The following CNTN5 variants were observed in gnomAD, a reference collection of about 807,000 sequenced individuals.
CNTN5 encodes the protein contactin 5.
CNTN5 carries 77 observed loss-of-function variants against 129.1 expected under a neutral mutation model. That is an observed-to-expected ratio of 0.60 (90% confidence interval 0.50 to 0.72). CNTN5 has a LOEUF of 0.72. CNTN5 is among the 30% of genes least tolerant of loss of function. The probability of loss-of-function intolerance (pLI) is 0.00; values close to 1 mark genes in which losing one functional copy is unlikely to be tolerated. For synonymous variants in CNTN5, 509 were observed against 465.6 expected (o/e 1.09, Z -1.20); for missense variants, 1,478 against 1,328.8 (o/e 1.11, Z -1.75).
At chr11:99,027,176 A>G (rs1032777716) in intron 1 of CNTN5, among the ~76,000 whole-genome samples, 1 of 151,538 alleles carries the variant, frequency 6.6e-6, no homozygotes, top group Non-Finnish European at 1.5e-5. Context: ...AAAAGGATTT[A>G]AGTGATTTTA....
chr11:99,898,628 A>G (rs1949272005), intron 6 of CNTN5, among the ~76,000 whole-genome samples: 1 of 152,006 alleles, frequency 6.6e-6, no homozygotes, highest in Non-Finnish European at 1.5e-5. Context: ...GAAGAACACT[A>G]ATTGTTTTCA....
At chr11:99,031,355 C>T (rs1156455752) in intron 1 of CNTN5, among the ~76,000 whole-genome samples, 4 of 151,794 alleles carry the variant, frequency 2.6e-5, no homozygotes, top group Non-Finnish European at 4.4e-5. Context: ...CCTTTATACC[C>T]GTGCAATAAG....
At chr11:99,517,181 G>A (rs191312482) in intron 2 of CNTN5, among the ~76,000 whole-genome samples, 1 of 152,174 alleles carries the variant, frequency 6.6e-6, no homozygotes, top group Admixed American at 6.6e-5. Context: ...TCAGAAATAT[G>A]AGAAGTCTTC....
At chr11:99,769,806 A>G (rs1944881375) in intron 3 of CNTN5, among the ~76,000 whole-genome samples, 1 of 108,586 alleles carries the variant, frequency 9.2e-6, no homozygotes, top group African/African-American at 3.7e-5. Flanking sequence ...ATAGAGTGAG[A>G]CCCCGTCTCA....
intron 15 of CNTN5, among the ~76,000 whole-genome samples, chr11:100,200,875 T>A (rs1948761616): frequency 6.6e-6 from 1 of 151,996 alleles, no homozygotes; most frequent in African/African-American, 2.4e-5. Context: ...CTTACAGGTA[T>A]CTAGGACTGT....
chr11:99,970,453 A>G (rs892803977), intron 8 of CNTN5, among the ~76,000 whole-genome samples: 1 of 152,228 alleles, frequency 6.6e-6, no homozygotes, highest in Non-Finnish European at 1.5e-5. Context: ...TTTATTATCT[A>G]CTTAATCTTA....
chr11:99,189,291 G>A (rs983341952), intron 1 of CNTN5, among the ~76,000 whole-genome samples: 92 of 151,322 alleles, frequency 6.1e-4, no homozygotes, highest in African/African-American at 2.1e-3. Context: ...TTTATTTATC[G>A]TTTGATAGAT....
intron 6 of CNTN5, among the ~76,000 whole-genome samples, chr11:99,857,358 T>A (rs1467381275): frequency 6.6e-6 from 1 of 152,138 alleles, no homozygotes; most frequent in East Asian, 1.9e-4. Flanking sequence ...TATCCTCCAG[T>A]ACCACAGTAG....
intron 1 of CNTN5, among the ~76,000 whole-genome samples, chr11:99,186,762 C>T (rs1362530406): frequency 6.6e-6 from 1 of 151,794 alleles, no homozygotes; most frequent in Non-Finnish European, 1.5e-5. Flanking sequence ...AGAGGGAAGG[C>T]AAGAGATCAA....
intron 3 of CNTN5, among the ~76,000 whole-genome samples, chr11:99,638,349 T>G (rs956654541): frequency 6.6e-6 from 1 of 152,096 alleles, no homozygotes; most frequent in Non-Finnish European, 1.5e-5. Context: ...CAAGTTGAGA[T>G]TTGAATGGGG....
At position 99,590,838 on chromosome 11, in the gene CNTN5, G is replaced by T. The variant is rs75004643; in HGVS notation, c.55+34569G>T. ...TTCTGAAAAGTGCCACAACACCAGGGATGCTAGCATTAAGAAAAAGTTGTT... is the reference window on the plus strand; with the variant it reads ...TTCTGAAAAGTGCCACAACACCAGGTATGCTAGCATTAAGAAAAAGTTGTT... On this transcript the variant is annotated intron_variant, in intron 3 of 24. Transcript: ENST00000524871. Among the ~76,000 whole-genome samples, 1,406 of 152,246 alleles carry T rather than the reference G, an allele frequency of 9.2e-3. 68 individuals are homozygous for T. The East Asian group carries it at 0.1, about 11-fold the overall frequency.
intron 6 of CNTN5, among the ~76,000 whole-genome samples, chr11:99,871,678 C>T (rs1002606897): frequency 6.6e-6 from 1 of 151,800 alleles, no homozygotes; most frequent in Admixed American, 6.6e-5. Context: ...GATCCATTGT[C>T]TTTTTTCTAG....
intron 3 of CNTN5, among the ~76,000 whole-genome samples, chr11:99,626,803 C>T (rs940308814): frequency 6.6e-6 from 1 of 152,020 alleles, no homozygotes; most frequent in Admixed American, 6.6e-5. Context: ...TGAAACGATA[C>T]TCAAGGTGAC....
At chr11:100,256,733 T>C (rs553960681) in intron 17 of CNTN5, among the ~76,000 whole-genome samples, 7 of 152,044 alleles carry the variant, frequency 4.6e-5, no homozygotes, top group Admixed American at 4.6e-4. Context: ...AGGGAAGCTG[T>C]GAGAGACTGT....
At chr11:99,896,020 A>G (rs539752706) in intron 6 of CNTN5, among the ~76,000 whole-genome samples, 2 of 152,222 alleles carry the variant, frequency 1.3e-5, no homozygotes, top group East Asian at 1.9e-4. Flanking sequence ...AATTTCCTGA[A>G]CACTGCAGTC....
intron 8 of CNTN5, among the ~76,000 whole-genome samples, chr11:99,964,890 A>C (rs1404365062): frequency 6.6e-6 from 1 of 152,046 alleles, no homozygotes; most frequent in East Asian, 1.9e-4. Context: ...TAGTCTTGGG[A>C]GGGTGTATGT....
intron 13 of CNTN5, among the ~76,000 whole-genome samples, chr11:100,132,132 T>G (rs1946396385): frequency 6.6e-6 from 1 of 152,092 alleles, no homozygotes; most frequent in South Asian, 2.1e-4. Flanking sequence ...CAACAATTCT[T>G]AGTTGAACTC....
At chr11:100,129,516 A>G (rs1449025367) in intron 13 of CNTN5, among the ~76,000 whole-genome samples, 2 of 152,200 alleles carry the variant, frequency 1.3e-5, no homozygotes, top group Admixed American at 1.3e-4. Context: ...GCAGTTGCTT[A>G]GAAGTGTGAG....
At chr11:99,984,197 A>C (rs1397671647) in intron 8 of CNTN5, among the ~76,000 whole-genome samples, 11 of 152,072 alleles carry the variant, frequency 7.2e-5, no homozygotes, top group Non-Finnish European at 1.6e-4. Context: ...GAATCGCTTG[A>C]ACCAAGGAGG....
Sources: gnomAD v4.1 joint callset for allele counts (sites outside exome capture counted in the v4.1 genomes callset) on GRCh38, gnomAD v4.1.1 for gene constraint, MANE v1.5 for transcripts, NCBI Gene and HGNC (gene_info 2026-07-23, HGNC 2026-07-21) for gene names.